The following TNNI3K variants were observed in gnomAD, a reference collection of about 807,000 sequenced individuals.
TNNI3K encodes the protein serine/threonine-protein kinase TNNI3K.
Under a neutral mutation model 114.5 loss-of-function variants are expected in TNNI3K, and 140 were observed. The ratio of observed to expected loss-of-function variants is 1.22; its 90% CI spans 1.07 to 1.41. TNNI3K has a LOEUF of 1.41. Among genes scored for constraint, TNNI3K ranks in the 40% most tolerant of loss-of-function variants. The pLI is 0.00. For missense variants in TNNI3K, 1,125 were observed against 1,007.6 expected, an observed-to-expected ratio of 1.12 and a Z score of -1.58; for synonymous variants, 347 against 347.5, an observed-to-expected ratio of 1.00 and a Z score of 0.02.
chr1:74,333,566 G>C (rs1205294034), intron 6 of TNNI3K, among the ~76,000 whole-genome samples: 1 of 152,156 alleles, frequency 6.6e-6, no homozygotes, highest in Non-Finnish European at 1.5e-5. Context: ...ATAAAATTAT[G>C]CTAAAATGTG....
At position 74,369,179 on chromosome 1, in the gene TNNI3K, T is replaced by C. The variant is rs766600007; in HGVS notation, c.1415-28T>C. Reference sequence around the variant, plus strand: ...TTGAATGAGCTTAAGTTAATATGTGTTTATTTATTTATTTTAAACAATTGT... The same window carrying C: ...TTGAATGAGCTTAAGTTAATATGTGCTTATTTATTTATTTTAAACAATTGT... On this transcript the variant is annotated intron_variant, in intron 14 of 24. Transcript: ENST00000326637. 6 of 1,603,372 alleles carry C rather than the reference T, an allele frequency of 3.7e-6. No homozygotes were observed. The Admixed American group carries it at 1.0e-4, about 27-fold the overall frequency.
Position 74,299,930 on chromosome 1 carries a change from T to C in TNNI3K, c.444+28222T>C, listed in dbSNP as rs368319867. On this transcript the variant is annotated intron_variant, in intron 5 of 24. Coordinates refer to ENST00000326637, the MANE Select transcript of TNNI3K (RefSeq NM_015978.3). The stretch of plus-strand genomic sequence containing the variant: ...TTACATATCAACAAATACATACTGT[T>C]AAAGATGTACTAAATGGCATATTCA... Among the ~76,000 whole-genome samples the C allele has an allele frequency of 3.7e-4, 57 of 152,316 alleles. No homozygotes were observed. In the East Asian group the frequency reaches 4.6e-3, roughly 12 times the overall value.
intron 5 of TNNI3K, among the ~76,000 whole-genome samples, chr1:74,274,991 T>C (rs547227084): frequency 6.6e-6 from 1 of 152,186 alleles, no homozygotes; most frequent in East Asian, 1.9e-4. Context: ...TATGTATCAC[T>C]TTCACACCAT....
chr1:74,456,405 G>A lies in TNNI3K; in HGVS notation c.2012-7036G>A, dbSNP rs139879076. 9.2e-5 allele frequency among the ~76,000 whole-genome samples: 14 copies of A among 152,258 alleles called. No homozygotes were observed. In the East Asian group the frequency reaches 2.7e-3, roughly 29 times the overall value. On this transcript the variant is annotated intron_variant, in intron 20 of 24. Coordinates refer to ENST00000326637, the MANE Select transcript of TNNI3K (RefSeq NM_015978.3). Reference sequence around the variant, plus strand: ...AAGAACCAGGCAAGATGAAAAATAAGCAGGCACAACCTGGCAAATAAGAGC... The same window carrying A: ...AAGAACCAGGCAAGATGAAAAATAAACAGGCACAACCTGGCAAATAAGAGC...
intron 20 of TNNI3K, among the ~76,000 whole-genome samples, chr1:74,463,208 T>C (rs1485000462): frequency 1.3e-5 from 2 of 152,218 alleles, no homozygotes; most frequent in Non-Finnish European, 2.9e-5. Context: ...TCCTTATAAA[T>C]GCCCTGTACT....
At chr1:74,236,249 C>A in intron 2 of TNNI3K, 39 bp downstream of exon 2, 2 of 1,536,602 alleles carry the variant, frequency 1.3e-6, no homozygotes, top group South Asian at 1.2e-5. Context: ...GTATAAGTGT[C>A]TTCAGTATTC....
Position 74,359,375 on chromosome 1 carries a change from T to G in TNNI3K, c.1177+5246T>G, listed in dbSNP as rs959415192. Among the ~76,000 whole-genome samples the G allele has an allele frequency of 2.6e-5, 4 of 151,988 alleles. No homozygotes were observed. The South Asian group carries it at 8.3e-4, about 31-fold the overall frequency. Reference sequence around the variant, plus strand: ...TCCACATAACTCCCAAATTTCATGGTCTTTCCTAATTTATAACATGTACAG... The same window carrying G: ...TCCACATAACTCCCAAATTTCATGGGCTTTCCTAATTTATAACATGTACAG... On this transcript the variant is annotated intron_variant, in intron 11 of 24. Coordinates refer to ENST00000326637, the MANE Select transcript of TNNI3K (RefSeq NM_015978.3).
chr1:74,480,234 T>G (rs1205111574), intron 21 of TNNI3K: 1 of 717,506 alleles, frequency 1.4e-6, no homozygotes, highest in African/African-American at 1.7e-5. Context: ...AGAGTGAAGT[T>G]GGGAGCTTTG....
intron 21 of TNNI3K, among the ~76,000 whole-genome samples, chr1:74,485,291 T>C (rs1477505184): frequency 6.6e-6 from 1 of 152,192 alleles, no homozygotes; most frequent in Non-Finnish European, 1.5e-5. Flanking sequence ...GTAATTCCAG[T>C]CTGAGAAAAC....
chr1:74,435,150 A>G (rs1167803830), intron 17 of TNNI3K, among the ~76,000 whole-genome samples: 2 of 152,104 alleles, frequency 1.3e-5, no homozygotes, highest in African/African-American at 4.8e-5. Context: ...AGAAGCATTC[A>G]AAGACAATCT....
At chr1:74,312,754 C>T (rs1659066198) in intron 5 of TNNI3K, among the ~76,000 whole-genome samples, 1 of 152,196 alleles carries the variant, frequency 6.6e-6, no homozygotes, top group South Asian at 2.1e-4. Flanking sequence ...AAGAAGAAAT[C>T]CTGACATCTC....
At chr1:74,421,576 C>T (rs1050258354) in intron 17 of TNNI3K, among the ~76,000 whole-genome samples, 5 of 152,056 alleles carry the variant, frequency 3.3e-5, no homozygotes, top group Non-Finnish European at 1.5e-5. Context: ...GTTCTTTCTA[C>T]ACTATAATAT....
intron 5 of TNNI3K, among the ~76,000 whole-genome samples, chr1:74,321,031 T>G (rs1275659900): frequency 6.6e-6 from 1 of 152,152 alleles, no homozygotes; most frequent in Non-Finnish European, 1.5e-5. Flanking sequence ...TTTGAGCAGT[T>G]GCAATGTAGT....
At chr1:74,311,143 TTTGAACTATGTA>T (rs1217501514) in intron 5 of TNNI3K, among the ~76,000 whole-genome samples, 1 of 152,182 alleles carries the variant, frequency 6.6e-6, no homozygotes, top group Non-Finnish European at 1.5e-5. Context: ...GATCATTACT[TTTGAACTATGTA>T]TTGAACTATG....
At chr1:74,305,666 C>G (rs969981346) in intron 5 of TNNI3K, among the ~76,000 whole-genome samples, 1 of 152,114 alleles carries the variant, frequency 6.6e-6, no homozygotes, top group Non-Finnish European at 1.5e-5. Flanking sequence ...AACAGTATTC[C>G]CAGAAGCTTG....
At chr1:74,416,353 G>C (rs1570593828) in intron 17 of TNNI3K, 1 of 985,028 alleles carries the variant, frequency 1.0e-6, no homozygotes, top group Non-Finnish European at 1.2e-6. Context: ...TAATGATGGA[G>C]AGTAACGAGC....
intron 11 of TNNI3K, among the ~76,000 whole-genome samples, 174 bp from the exon 12 acceptor site, chr1:74,367,082 T>C (rs114849005): frequency 1.3e-3 from 204 of 152,124 alleles, no homozygotes; most frequent in African/African-American, 4.8e-3. Context: ...TATGGTAGTC[T>C]TAAGAAATCA....
Position 74,483,008 on chromosome 1 carries a change from G to A in TNNI3K, c.2122-6181G>A, listed in dbSNP as rs1668580889. Among the ~76,000 whole-genome samples, 4 of 152,188 alleles carry A rather than the reference G, an allele frequency of 2.6e-5. No individual in the cohort carries two copies. In the South Asian group the frequency reaches 8.3e-4, roughly 32 times the overall value. On this transcript the variant is annotated intron_variant, in intron 21 of 24. Transcript: ENST00000326637. The stretch of plus-strand genomic sequence containing the variant: ...GATATATTTGTTAAGTGTGTAGCTG[G>A]ATAAAATGGTGATATTCTTTTGCAA...
intron 17 of TNNI3K, among the ~76,000 whole-genome samples, chr1:74,424,777 G>A (rs548201796): frequency 1.7e-4 from 26 of 151,302 alleles, no homozygotes; most frequent in African/African-American, 6.3e-4. Flanking sequence ...GCTTTGAAGA[G>A]TCAAGATGTA....
Sources: gnomAD v4.1 joint callset for allele counts (sites outside exome capture counted in the v4.1 genomes callset) on GRCh38, gnomAD v4.1.1 for gene constraint, MANE v1.5 for transcripts, NCBI Gene and HGNC (gene_info 2026-07-23, HGNC 2026-07-21) for gene names.